Variants in SLC18A2 observed in about 807,000 individuals in gnomAD.
SLC18A2 encodes synaptic vesicular amine transporter.
SLC18A2 carries 33 observed loss-of-function variants against 59.2 expected under a neutral mutation model. The ratio of observed to expected loss-of-function variants is 0.56; its 90% CI spans 0.42 to 0.75. The LOEUF (loss-of-function observed/expected upper bound fraction) is 0.75. Among genes scored for constraint, SLC18A2 ranks in the 30% least tolerant of loss-of-function variants. The pLI is 0.00. For synonymous variants in SLC18A2, 228 were observed against 253.5 expected, an observed-to-expected ratio of 0.90 and a Z score of 0.95; for missense variants, 569 against 668.6, an observed-to-expected ratio of 0.85 and a Z score of 1.64.
Position 117,267,017 on chromosome 10 carries a change from T to C in SLC18A2, c.1104T>C (p.Val368=). The C allele has an allele frequency of 6.2e-7, 1 of 1,613,690 alleles. No individual in the cohort carries two copies. The change falls in exon 12 of 16, where the codon GTT becomes GTC. Residue 368 remains valine (V), a synonymous_variant. Coordinates refer to ENST00000644641, the MANE Select transcript of SLC18A2 (RefSeq NM_003054.6). ...WLCALLGMII[V]GVSILCIPFA... is the part of the protein sequence containing the mutation. Reference sequence around the variant, plus strand: ...GTGCTCTTCTGGGAATGATAATTGTTGGAGTCAGCATTTTATGTGTGAGTA... The same window carrying C: ...GTGCTCTTCTGGGAATGATAATTGTCGGAGTCAGCATTTTATGTGTGAGTA...
chr10:117,242,462 A>G (rs1346796235), intron 2 of SLC18A2, among the ~76,000 whole-genome samples: 1 of 152,126 alleles, frequency 6.6e-6, no homozygotes, highest in Non-Finnish European at 1.5e-5. Context: ...CCAGTTTTTA[A>G]TGAATGAAAA....
At position 117,254,400 on chromosome 10, in the gene SLC18A2, T is replaced by A. The variant is rs959945311; in HGVS notation, c.608-5T>A. 1 of 1,581,276 alleles carries A rather than the reference T, an allele frequency of 6.3e-7. No homozygotes were observed. The highest frequency in any genetic ancestry group is 1.4e-5 in the African/African-American group (1 of 73,964). On this transcript the variant is annotated splice_region_variant and splice_polypyrimidine_tract_variant and intron_variant, in intron 5 of 15. Coordinates refer to ENST00000644641, the MANE Select transcript of SLC18A2 (RefSeq NM_003054.6). ...GGCCTGTTGACTATTTCTTTCCCTG[T>A]GTAGGGATGGGCATGCTTGCCAGTG...
At chr10:117,275,986 C>A (rs1844484952) in intron 15 of SLC18A2, among the ~76,000 whole-genome samples, 1 of 152,086 alleles carries the variant, frequency 6.6e-6, no homozygotes, top group Admixed American at 6.6e-5. Flanking sequence ...GGGGCCATGA[C>A]AATATGGTCT....
In SLC18A2 at chr10:117,255,281, C is replaced by T. The variant is rs765260116; in HGVS notation, c.705C>T (p.Gly235=). Residue 235 remains glycine, a synonymous_variant, in exon 7 of 16, where the codon GGC becomes GGT. Coordinates refer to ENST00000644641, the MANE Select transcript of SLC18A2 (RefSeq NM_003054.6). ...CCCCACTTTCTCTCCCTGCAGTGGG[C>T]CCCCCCTTCGGGAGTGTGCTCTATG... is the stretch of plus-strand genomic sequence containing the variant. The part of the protein sequence containing the change: ...LGGLAMGVLV[G]PPFGSVLYEF... 4 of 1,613,444 alleles carry T rather than the reference C, an allele frequency of 2.5e-6. No homozygotes were observed. In the Admixed American group the frequency reaches 6.7e-5, roughly 27 times the overall value.
chr10:117,244,307 C>G lies in SLC18A2; in HGVS notation c.458C>G (p.Thr153Ser). The G allele has an allele frequency of 6.2e-7, 1 of 1,613,214 alleles. No homozygotes were observed. The highest frequency in any genetic ancestry group is 8.5e-7 in the Non-Finnish European group (1 of 1,179,430). The part of the protein sequence containing the change: ...LITNPFIGLL[T>S]NRIGYPIPIF... ...ACCAACCCTTTCATAGGACTACTGA[C>G]CAACAGGTAGGGCAGACTACTTTAG... The change falls in exon 3 of 16, where the codon ACC becomes AGC. Residue 153 changes from threonine (T) to serine (S), a missense_variant. This residue lies in a region of SLC18A2 where 377 missense variants were observed against 389.8 expected (regional missense o/e 0.97). Transcript: ENST00000644641.
chr10:117,272,060 T>C (rs1048288517), intron 15 of SLC18A2, among the ~76,000 whole-genome samples: 6 of 152,142 alleles, frequency 3.9e-5, no homozygotes, highest in Non-Finnish European at 8.8e-5. Flanking sequence ...GGCCCCACCA[T>C]GTAGAGGCTT....
intron 10 of SLC18A2, among the ~76,000 whole-genome samples, 160 bp from the exon 11 acceptor site, chr10:117,266,573 A>G (rs1831111595): frequency 6.6e-6 from 1 of 152,250 alleles, no homozygotes; most frequent in Non-Finnish European, 1.5e-5. Context: ...ACGTGGGTCC[A>G]GACCGGATCC....
rs1249932065 is a variant in SLC18A2, at chr10:117,243,981, C to T, written c.132C>T (p.Ile44=). 2 of 1,612,186 alleles carry T rather than the reference C, an allele frequency of 1.2e-6. No homozygotes were observed. Among genetic ancestry groups the T allele is most frequent in the Non-Finnish European group, 8.5e-7 (1 of 1,178,706 alleles). ...NMLLTVVVPI[I]PSYLYSIKHE... ...TGCTCTTATCCCCAGTCCCCATCATCCCAAGTTATCTGTACAGCATTAAGC... is the reference window on the plus strand; with the variant it reads ...TGCTCTTATCCCCAGTCCCCATCATTCCAAGTTATCTGTACAGCATTAAGC... Residue 44 remains isoleucine, a synonymous_variant, in exon 3 of 16, where the codon ATC becomes ATT. Coordinates refer to ENST00000644641, the MANE Select transcript of SLC18A2 (RefSeq NM_003054.6).
Position 117,267,751 on chromosome 10 carries a change from C to T in SLC18A2, c.1186+15C>T, listed in dbSNP as rs759823740. On this transcript the variant is annotated intron_variant, in intron 13 of 15. Transcript: ENST00000644641. Reference sequence around the variant, plus strand: ...TTTTGCAATTGGTAAGTCACACGAACCTTGTGCCTACATTTAAAACCGCTT... The same window carrying T: ...TTTTGCAATTGGTAAGTCACACGAATCTTGTGCCTACATTTAAAACCGCTT... The T allele has an allele frequency of 6.5e-7, 1 of 1,539,034 alleles. No homozygotes were observed. Among genetic ancestry groups the T allele is most frequent in the Non-Finnish European group, 8.9e-7 (1 of 1,124,424 alleles).
intron 2 of SLC18A2, among the ~76,000 whole-genome samples, chr10:117,243,320 C>G (rs1047560820): frequency 2.6e-5 from 4 of 152,196 alleles, no homozygotes; most frequent in African/African-American, 9.7e-5. Flanking sequence ...TTTTGCTTTT[C>G]TGAAATATTC....
intron 2 of SLC18A2, among the ~76,000 whole-genome samples, chr10:117,242,494 C>A (rs754481009): frequency 3.9e-5 from 6 of 151,940 alleles, no homozygotes; most frequent in Non-Finnish European, 7.4e-5. Context: ...CTCATTTAGA[C>A]TGTAAGTGGT....
chr10:117,270,300 A>G, intron 14 of SLC18A2, 30 bp from the exon 15 acceptor site: 1 of 1,613,840 alleles, frequency 6.2e-7, no homozygotes, highest in South Asian at 1.1e-5. Flanking sequence ...CATTTGGAAG[A>G]GCTTTATCTA....
intron 1 of SLC18A2, 29 bp from the exon 2 acceptor site, chr10:117,241,650 T>G (rs1225367790): frequency 3.9e-6 from 6 of 1,532,248 alleles, no homozygotes; most frequent in Non-Finnish European, 5.3e-6. Flanking sequence ...ACGGCCGCCT[T>G]GGGTCCTCAC....
rs1206929561 is a variant in SLC18A2, at chr10:117,269,312, T to C, written c.1187-759T>C. Among the ~76,000 whole-genome samples the C allele has an allele frequency of 2.4e-5, 3 of 127,604 alleles. No homozygotes were observed. Among genetic ancestry groups the C allele is most frequent in the Admixed American group, 8.7e-5 (1 of 11,454 alleles). 83.7% of individuals were successfully genotyped at this position (127,604 alleles called of 152,430 possible). On this transcript the variant is annotated intron_variant, in intron 13 of 15. Transcript: ENST00000644641. This position sits in a 1 kb window ranked among gnomAD's most constrained non-coding sequence, Gnocchi z 5.1. Reference sequence around the variant, plus strand: ...ACATATATACACATACATACACAGATACATATATACATATACATAATACAC... The same window carrying C: ...ACATATATACACATACATACACAGACACATATATACATATACATAATACAC...
chr10:117,266,449 T>G (rs113881579), intron 10 of SLC18A2, among the ~76,000 whole-genome samples: 1 of 152,234 alleles, frequency 6.6e-6, no homozygotes, highest in Non-Finnish European at 1.5e-5. Context: ...CTGTTTGTAT[T>G]GGCCCACGTG....
In SLC18A2 at chr10:117,270,377, C is replaced by G. The variant is rs1304349983; in HGVS notation, c.1354C>G (p.Leu452Val). ...TGCAAAGGCAATTGGATTTCCATGGCTCATGACAATTATTGGGATAATTGA... is the reference window on the plus strand; with the variant it reads ...TGCAAAGGCAATTGGATTTCCATGGGTCATGACAATTATTGGGATAATTGA... ...AIAKAIGFPW[L>V]MTIIGIIDIL... Residue 452 changes from leucine to valine, a missense_variant, in exon 15 of 16, where the codon CTC becomes GTC. Physicochemically the swap from Leu to Val is conservative, Grantham distance 32. Coordinates refer to ENST00000644641, the MANE Select transcript of SLC18A2 (RefSeq NM_003054.6). 4 of 1,614,142 alleles carry G rather than the reference C, an allele frequency of 2.5e-6. No individual in the cohort carries two copies. Among genetic ancestry groups the G allele is most frequent in the South Asian group, 2.2e-5 (2 of 91,064 alleles).
rs1844335176 is a variant in SLC18A2 at position 117,265,176 on chromosome 10, C to A, written c.992-1557C>A. ...ATGAGATTGCTCTTTATTAGTGTTT[C>A]CCAGAACTCCCATGTCTAGAATGAT... On this transcript the variant is annotated intron_variant, in intron 10 of 15. Coordinates refer to ENST00000644641, the MANE Select transcript of SLC18A2 (RefSeq NM_003054.6). Among the ~76,000 whole-genome samples the A allele has an allele frequency of 2.0e-5, 3 of 152,322 alleles. No homozygotes were observed. The South Asian group carries it at 6.2e-4, about 32-fold the overall frequency.
At chr10:117,271,824 C>G (rs1285756563) in intron 15 of SLC18A2, among the ~76,000 whole-genome samples, 2 of 152,150 alleles carry the variant, frequency 1.3e-5, no homozygotes, top group African/African-American at 2.4e-5. Flanking sequence ...TCAGAAAATT[C>G]TCAGCACAAA....
At chr10:117,273,866 G>A (rs1160179187) in intron 15 of SLC18A2, among the ~76,000 whole-genome samples, 2 of 152,094 alleles carry the variant, frequency 1.3e-5, no homozygotes, top group African/African-American at 2.4e-5. Context: ...TACCACTTAG[G>A]AGATCCTAAC....
Sources: allele counts gnomAD v4.1 joint callset (sites outside exome capture counted in the v4.1 genomes callset), GRCh38; gene constraint gnomAD v4.1.1; regional missense constraint gnomAD v4.1.1; non-coding constraint Gnocchi (gnomAD v3.1); transcripts MANE v1.5; gene names NCBI Gene and HGNC (gene_info 2026-07-23, HGNC 2026-07-21).